TICRR: variants seen among roughly 807,000 people sequenced by gnomAD.
TICRR encodes TOPBP1 interacting checkpoint and replication regulator.
TICRR carries 132 observed loss-of-function variants against 178.1 expected under a neutral mutation model. That is an observed-to-expected ratio of 0.74 (90% CI 0.64 to 0.86). The LOEUF is 0.86. TICRR is among the 40% of genes least tolerant of loss of function. The pLI is 0.00. For missense variants in TICRR, 2,587 were observed against 2,334.3 expected, an observed-to-expected ratio of 1.11 and a Z score of -2.23; for synonymous variants, 991 against 900.7, an observed-to-expected ratio of 1.10 and a Z score of -1.79.
chr15:89,590,070 AT>A (rs1231305280), intron 4 of TICRR, among the ~76,000 whole-genome samples: 1 of 152,206 alleles, frequency 6.6e-6, no homozygotes, highest in Non-Finnish European at 1.5e-5. Context: ...TGAAGATGGC[AT>A]GATGGAAGGG....
chr15:89,595,624 G>C lies in TICRR; in HGVS notation c.1900+13G>C. On this transcript the variant is annotated intron_variant, in intron 7 of 21. Coordinates refer to ENST00000268138, the MANE Select transcript of TICRR (RefSeq NM_152259.4). ...TCTAAACCTAAAGGTATTCCTCTTA[G>C]TCTATAATTTACTCTTTTATACCCC... 1 of 1,602,808 alleles carries C rather than the reference G, an allele frequency of 6.2e-7. No homozygotes were observed. Among genetic ancestry groups the C allele is most frequent in the South Asian group, 1.1e-5 (1 of 90,356 alleles).
At chr15:89,586,111 T>TAAGTACTTCTGAGG (rs1249178909) in intron 4 of TICRR, among the ~76,000 whole-genome samples, 169 bp downstream of exon 4, 1 of 152,190 alleles carries the variant, frequency 6.6e-6, no homozygotes, top group Non-Finnish European at 1.5e-5. Flanking sequence ...TAGAATTCCT[T>TAAGTACTTCTGAGG]AAGTACTTCT....
Position 89,625,417 on chromosome 15 carries a change from G to A in TICRR, c.5107G>A (p.Gly1703Ser), listed in dbSNP as rs1963503153. 1.2e-6 allele frequency: 2 copies of A among 1,613,998 alleles called. No individual in the cohort carries two copies. Among genetic ancestry groups the A allele is most frequent in the Non-Finnish European group, 1.7e-6 (2 of 1,180,014 alleles). Residue 1703 changes from glycine to serine, a missense_variant, in exon 20 of 22, where the codon GGC becomes AGC. Gly to Ser is a moderately conservative substitution (Grantham distance 56, BLOSUM62 0). Transcript: ENST00000268138. ...GCGAGSSSGR[G>S]EVGADLPGSL... ...TGGCGCCGGCTCCTCTTCCGGGAGGGGCGAGGTCGGTGCAGACCTTCCTGG... is the reference window on the plus strand; with the variant it reads ...TGGCGCCGGCTCCTCTTCCGGGAGGAGCGAGGTCGGTGCAGACCTTCCTGG...
chr15:89,576,938 A>G (rs977421554), intron 1 of TICRR, among the ~76,000 whole-genome samples: 1 of 150,510 alleles, frequency 6.6e-6, no homozygotes, highest in African/African-American at 2.4e-5. Flanking sequence ...GAGACAGTGT[A>G]TGTCGCCCAG....
intron 4 of TICRR, among the ~76,000 whole-genome samples, chr15:89,590,251 T>G (rs1962888227): frequency 6.6e-6 from 1 of 152,130 alleles, no homozygotes; most frequent in South Asian, 2.1e-4. Flanking sequence ...CTTGTTGTAT[T>G]TAGTTATGTT....
chr15:89,627,084 T>C lies in TICRR; in HGVS notation c.5731T>C (p.Ter1911GlnextTer43), dbSNP rs200370759. The C allele has an allele frequency of 1.7e-5, 27 of 1,613,904 alleles. No homozygotes were observed. Among genetic ancestry groups the C allele is most frequent in the South Asian group, 2.2e-5 (2 of 91,080 alleles). Residue 1911 changes from the stop codon to glutamine, a stop_lost, in exon 22 of 22, where the codon TAG (stop) becomes CAG (glutamine). Transcript: ENST00000268138. ...KLMGTWLEDL[*>Q] ...CATGGGAACCTGGCTGGAGGACTTA[T>C]AGCCACAAACATTACTGAGCCCAAA... is the stretch of plus-strand genomic sequence containing the variant.
intron 9 of TICRR, 119 bp from the exon 10 acceptor site, chr15:89,601,179 C>A: frequency 1.4e-6 from 1 of 721,624 alleles, no homozygotes; most frequent in Non-Finnish European, 2.3e-6. Context: ...TTAGAAAAGG[C>A]ACTGGCTCTC....
intron 13 of TICRR, 38 bp from the exon 14 acceptor site, chr15:89,606,730 C>T: frequency 4.5e-6 from 7 of 1,543,494 alleles, no homozygotes; most frequent in Non-Finnish European, 6.3e-6. Context: ...CAATGAATGC[C>T]TATTTAAATT....
In TICRR at chr15:89,576,075, G is replaced by T; in HGVS notation, c.489G>T (p.Ser163=). Residue 163 remains serine, a synonymous_variant, in exon 1 of 22, where the codon TCG becomes TCT. Transcript: ENST00000268138. ...TCCTCCTGGCCCCCTGTCCGCACTC[G>T]CAGAGGGAGCTGCTGCAGTTCGTGT... ...AVFLLAPCPH[S]QRELLQFVSG... The T allele has an allele frequency of 1.2e-6, 2 of 1,612,058 alleles. No homozygotes were observed.
intron 15 of TICRR, 63 bp downstream of exon 15, chr15:89,609,012 T>C: frequency 6.9e-7 from 1 of 1,449,936 alleles, no homozygotes. Context: ...AGTAGTAATG[T>C]ACCGTCTTTC....
intron 13 of TICRR, among the ~76,000 whole-genome samples, chr15:89,604,768 CAAAAAAA>C (rs35046074): frequency 6.6e-5 from 7 of 106,572 alleles, no homozygotes; most frequent in African/African-American, 2.8e-4. Flanking sequence ...GAGACTCTGT[CAAAAAAA>C]AAAAAAAAAA....
At chr15:89,583,066 G>T (rs572237322) in intron 2 of TICRR, 101 bp downstream of exon 2, 1 of 1,245,634 alleles carries the variant, frequency 8.0e-7, no homozygotes, top group Non-Finnish European at 1.1e-6. Context: ...CACAGCCCAG[G>T]CACTCAACGA....
rs922343476 is a variant in TICRR at position 89,575,480 on chromosome 15, C to T, written c.-107C>T. The T allele has an allele frequency of 2.6e-6, 3 of 1,162,548 alleles. No homozygotes were observed. The highest frequency in any genetic ancestry group is 1.7e-5 in the South Asian group (1 of 57,854). The allele number at this position is 1,162,548 out of a possible 1,614,324, so 72.0% of individuals were successfully genotyped here. On this transcript the variant is annotated 5_prime_UTR_variant, in exon 1 of 22. Transcript: ENST00000268138. ...CTGGAGAGCGCGGGAGCCTTTCGAC[C>T]AGGGTCCCAAAGGAAAGCAGTGAGT...
In TICRR at chr15:89,626,018, G is replaced by T; in HGVS notation, c.5559G>T (p.Leu1853=). Residue 1853 remains leucine, a synonymous_variant, in exon 21 of 22, where the codon CTG becomes CTT. Transcript: ENST00000268138. ...AGGCTCTGACCCAGTCTCCGCTGCTGTTCCAGGGGAAAACACCTTCCTCTC... is the reference window on the plus strand; with the variant it reads ...AGGCTCTGACCCAGTCTCCGCTGCTTTTCCAGGGGAAAACACCTTCCTCTC... The part of the protein sequence containing the change: ...ALQALTQSPL[L]FQGKTPSSQS... 3 of 1,613,772 alleles carry T rather than the reference G, an allele frequency of 1.9e-6. No individual in the cohort carries two copies. The highest frequency in any genetic ancestry group is 2.5e-6 in the Non-Finnish European group (3 of 1,179,810).
chr15:89,577,599 C>CT (rs71151513), intron 1 of TICRR, among the ~76,000 whole-genome samples: 22,844 of 60,832 alleles, frequency 0.38, 8,575 homozygotes, highest in Non-Finnish European at 0.43. Context: ...GAGGGAAGGC[C>CT]TTTTTTTTTT....
intron 1 of TICRR, among the ~76,000 whole-genome samples, chr15:89,576,795 C>T (rs1962622555): frequency 7.4e-6 from 1 of 135,582 alleles, no homozygotes; most frequent in Non-Finnish European, 1.5e-5. Context: ...AACACAATAC[C>T]CAGGGGTGTG....
Position 89,624,377 on chromosome 15 carries a change from C to G in TICRR, c.4067C>G (p.Pro1356Arg), listed in dbSNP as rs368858068. Reference sequence around the variant, plus strand: ...AGCGTAGCTGCATCTCTCTCCTGCCCTGTTCCCTCAACTCCCCCTGAACTC... The same window carrying G: ...AGCGTAGCTGCATCTCTCTCCTGCCGTGTTCCCTCAACTCCCCCTGAACTC... ...SPSVAASLSC[P>R]VPSTPPELSQ... Residue 1356 changes from proline (P) to arginine (R), a missense_variant, in exon 20 of 22, where the codon CCT becomes CGT. Pro to Arg is a moderately radical substitution (Grantham distance 103). Coordinates refer to ENST00000268138, the MANE Select transcript of TICRR (RefSeq NM_152259.4). 22 of 1,614,024 alleles carry G rather than the reference C, an allele frequency of 1.4e-5. No individual in the cohort carries two copies. Among genetic ancestry groups the G allele is most frequent in the African/African-American group, 2.7e-5 (2 of 74,938 alleles).
chr15:89,608,810 C>T lies in TICRR; in HGVS notation c.2730C>T (p.Thr910=). The T allele has an allele frequency of 6.3e-7, 1 of 1,598,078 alleles. No individual in the cohort carries two copies. Among genetic ancestry groups the T allele is most frequent in the Non-Finnish European group, 8.5e-7 (1 of 1,174,556 alleles). The change falls in exon 15 of 22, where the codon ACC becomes ACT. Residue 910 remains threonine, a synonymous_variant. Transcript: ENST00000268138. ...AATTTTTGATGCTTTCAGAAGTGAC[C>T]AAAGTTCGAAGAAATCTTTTCAACC... is the stretch of plus-strand genomic sequence containing the variant. The part of the protein sequence containing the change: ...QPVKDTVQEV[T]KVRRNLFNQE...
At chr15:89,621,166 C>T (rs1264246684) in intron 18 of TICRR, among the ~76,000 whole-genome samples, 3 of 151,974 alleles carry the variant, frequency 2.0e-5, no homozygotes, top group Non-Finnish European at 2.9e-5. Context: ...ATTACAGGCC[C>T]CTGCCACCAC....
Sources: allele counts gnomAD v4.1 joint callset (sites outside exome capture counted in the v4.1 genomes callset), GRCh38; gene constraint gnomAD v4.1.1; transcripts MANE v1.5; gene names NCBI Gene and HGNC (gene_info 2026-07-23, HGNC 2026-07-21).